PAQR8: variants seen among roughly 807,000 people sequenced by gnomAD.
PAQR8 encodes progestin and adipoQ receptor family member 8, also known as membrane progestin receptor beta.
In PAQR8, 17 loss-of-function variants were observed where a neutral mutation model predicts 25.2. That is an observed-to-expected ratio of 0.67 (90% CI 0.46 to 1.01). The LOEUF is 1.01. PAQR8 is among the 50% of genes least tolerant of loss of function. The pLI is 0.00. For synonymous variants in PAQR8, 204 were observed against 190.6 expected, an observed-to-expected ratio of 1.07 and a Z score of -0.58; for missense variants, 392 against 448.4, an observed-to-expected ratio of 0.87 and a Z score of 1.14.
rs1401499974 is a variant in PAQR8 at position 52,362,772 on chromosome 6, G to C, written c.-53+523G>C. Among the ~76,000 whole-genome samples, 1 of 152,206 alleles carries C rather than the reference G, an allele frequency of 6.6e-6. No homozygotes were observed. Among genetic ancestry groups the C allele is most frequent in the African/African-American group, 2.4e-5 (1 of 41,464 alleles). ...GGAGTGCGGAGGAGAGGAAGCCCGG[G>C]GCGGTAGGGAGAGCCCGAGGAAGGG... On this transcript the variant is annotated intron_variant, in intron 1 of 1. Coordinates refer to ENST00000442253, the MANE Select transcript of PAQR8 (RefSeq NM_133367.5). The surrounding 1 kb of genome is among the most constrained non-coding windows in gnomAD (Gnocchi z 4.1).
intron 1 of PAQR8, among the ~76,000 whole-genome samples, chr6:52,384,183 A>G (rs1562430577): frequency 6.6e-6 from 1 of 152,250 alleles, no homozygotes; most frequent in Non-Finnish European, 1.5e-5. Context: ...AACTATGTAT[A>G]TCAGGAGAAA....
At chr6:52,395,895 C>A (rs1763762166) in intron 1 of PAQR8, among the ~76,000 whole-genome samples, 1 of 152,210 alleles carries the variant, frequency 6.6e-6, no homozygotes, top group African/African-American at 2.4e-5. Context: ...TTGTCTTAGG[C>A]ATAGCCACAC....
At chr6:52,383,553 T>C (rs937507186) in intron 1 of PAQR8, among the ~76,000 whole-genome samples, 3 of 149,558 alleles carry the variant, frequency 2.0e-5, no homozygotes, top group South Asian at 2.1e-4. Flanking sequence ...CCCAGCTACT[T>C]GGGAGGCTGA....
chr6:52,384,293 A>G (rs984512554), intron 1 of PAQR8, among the ~76,000 whole-genome samples: 1 of 152,258 alleles, frequency 6.6e-6, no homozygotes, highest in African/African-American at 2.4e-5. Context: ...TGGTTTCACA[A>G]TGTACTATGG....
At chr6:52,391,135 C>T (rs887913096) in intron 1 of PAQR8, among the ~76,000 whole-genome samples, 4 of 152,118 alleles carry the variant, frequency 2.6e-5, no homozygotes, top group African/African-American at 7.2e-5. Context: ...TAGGGCTGGG[C>T]GGAACACATA....
Position 52,406,651 on chromosome 6 carries a change from C to T in PAQR8, c.*2373C>T. On this transcript the variant is annotated 3_prime_UTR_variant, in exon 2 of 2. Transcript: ENST00000442253. Reference sequence around the variant, plus strand: ...AATCACGGCTCACTGCAGCCTCGACCTCCCCAGCTCAAGCAATCCTCCCAC... The same window carrying T: ...AATCACGGCTCACTGCAGCCTCGACTTCCCCAGCTCAAGCAATCCTCCCAC... 1 of 406,886 alleles carries T rather than the reference C, an allele frequency of 2.5e-6. No homozygotes were observed. The highest frequency in any genetic ancestry group is 4.4e-6 in the Non-Finnish European group (1 of 225,852). 25.2% of individuals were successfully genotyped at this position (406,886 alleles called of 1,614,324 possible).
At position 52,405,300 on chromosome 6, in the gene PAQR8, T is replaced by C. The variant is rs1012143084; in HGVS notation, c.*1022T>C. ...CCCAAAGTCCAGCCTCCTACATAGA[T>C]GCTGCCCCACGAAGGACCCACAAAA... is the stretch of plus-strand genomic sequence containing the variant. On this transcript the variant is annotated 3_prime_UTR_variant, in exon 2 of 2. Coordinates refer to ENST00000442253, the MANE Select transcript of PAQR8 (RefSeq NM_133367.5). The C allele has an allele frequency of 6.6e-5, 11 of 167,144 alleles. No homozygotes were observed. Among genetic ancestry groups the C allele is most frequent in the African/African-American group, 2.2e-4 (9 of 41,478 alleles). 10.4% of individuals were successfully genotyped at this position (167,144 alleles called of 1,614,324 possible). A position where few individuals can be genotyped will look rare whatever the true frequency, so the allele number is the denominator to read the frequency against.
chr6:52,365,551 ACTTATT>A (rs1186329692), intron 1 of PAQR8, among the ~76,000 whole-genome samples: 1 of 152,210 alleles, frequency 6.6e-6, no homozygotes, highest in Non-Finnish European at 1.5e-5. Context: ...AACAGAGTCT[ACTTATT>A]CTTGTTAGGA....
chr6:52,405,063 A>T lies in PAQR8; in HGVS notation c.*785A>T, dbSNP rs1229850438. The T allele has an allele frequency of 6.0e-6, 1 of 167,164 alleles. No homozygotes were observed. Among genetic ancestry groups the T allele is most frequent in the African/African-American group, 2.4e-5 (1 of 41,464 alleles). The allele number at this position is 167,164 out of a possible 1,614,324, so 10.4% of individuals were successfully genotyped here. ...AGAGCCACCAGGAGGCCCAGCCAAT[A>T]AGCATAGATACTATATGGTATCATG... On this transcript the variant is annotated 3_prime_UTR_variant, in exon 2 of 2. Transcript: ENST00000442253.
intron 1 of PAQR8, among the ~76,000 whole-genome samples, chr6:52,402,516 C>T (rs1378957067): frequency 6.7e-6 from 1 of 150,056 alleles, no homozygotes; most frequent in Admixed American, 6.7e-5. Flanking sequence ...ACTTGGGAGG[C>T]TGAGGCAGGA....
intron 1 of PAQR8, among the ~76,000 whole-genome samples, chr6:52,389,413 T>C (rs1052822014): frequency 6.6e-6 from 1 of 152,102 alleles, no homozygotes; most frequent in Non-Finnish European, 1.5e-5. Flanking sequence ...GGCTTGCAAT[T>C]CAATAAGCAG....
chr6:52,392,466 G>C (rs577677979), intron 1 of PAQR8, among the ~76,000 whole-genome samples: 7 of 152,194 alleles, frequency 4.6e-5, no homozygotes, highest in Non-Finnish European at 8.8e-5. Context: ...GATTCACATA[G>C]CATCCTTGTA....
intron 1 of PAQR8, among the ~76,000 whole-genome samples, chr6:52,368,776 A>G (rs941310798): frequency 6.6e-6 from 1 of 152,068 alleles, no homozygotes; most frequent in Non-Finnish European, 1.5e-5. Flanking sequence ...TTTTTTTTTA[A>G]CAGATGAAGA....
chr6:52,394,455 G>C (rs1763744232), intron 1 of PAQR8, among the ~76,000 whole-genome samples: 1 of 152,168 alleles, frequency 6.6e-6, no homozygotes, highest in Non-Finnish European at 1.5e-5. Context: ...ACTTAGGATG[G>C]TGTGAAAGTG....
At chr6:52,385,260 A>G (rs564711766) in intron 1 of PAQR8, among the ~76,000 whole-genome samples, 3 of 152,034 alleles carry the variant, frequency 2.0e-5, no homozygotes, top group Non-Finnish European at 4.4e-5. Context: ...TTCTCTCTCT[A>G]CTGGCTGCCA....
At chr6:52,377,626 C>T (rs986338688) in intron 1 of PAQR8, among the ~76,000 whole-genome samples, 1 of 151,988 alleles carries the variant, frequency 6.6e-6, no homozygotes, top group African/African-American at 2.4e-5. Flanking sequence ...AGAGCAATTT[C>T]GCAGGGAGAA....
intron 1 of PAQR8, among the ~76,000 whole-genome samples, chr6:52,371,745 G>A (rs1763421997): frequency 6.6e-6 from 1 of 152,156 alleles, no homozygotes; most frequent in African/African-American, 2.4e-5. Flanking sequence ...TGTGTGCCAG[G>A]CATTGTGCAA....
At chr6:52,402,154 A>T (rs962270905) in intron 1 of PAQR8, among the ~76,000 whole-genome samples, 2 of 152,110 alleles carry the variant, frequency 1.3e-5, no homozygotes, top group Non-Finnish European at 2.9e-5. Context: ...ATTTGAGGTT[A>T]GAAGTTCGAG....
Position 52,403,628 on chromosome 6 carries a change from T to C in PAQR8, c.415T>C (p.Ser139Pro), listed in dbSNP as rs745622513. 9 of 1,614,162 alleles carry C rather than the reference T, an allele frequency of 5.6e-6. No homozygotes were observed. The highest frequency in any genetic ancestry group is 7.6e-6 in the Non-Finnish European group (9 of 1,180,034). ...AHLLQSKSEL[S>P]HYTFYFVDYV... The stretch of plus-strand genomic sequence containing the variant: ...CCTGCTGCAGTCCAAGTCAGAGCTC[T>C]CCCACTACACCTTCTACTTTGTGGA... Residue 139 changes from serine (S) to proline (P), a missense_variant, in exon 2 of 2, where the codon TCC becomes CCC. Transcript: ENST00000442253.
Sources: gnomAD v4.1 joint callset for allele counts (sites outside exome capture counted in the v4.1 genomes callset) on GRCh38, gnomAD v4.1.1 for gene constraint, Gnocchi (gnomAD v3.1) non-coding constraint, MANE v1.5 for transcripts, NCBI Gene and HGNC (gene_info 2026-07-23, HGNC 2026-07-21) for gene names.